The following POTEH variants were observed in gnomAD, a reference collection of about 807,000 sequenced individuals.
The protein encoded by POTEH is ANKRD26-like family C member 3.
Under a neutral mutation model 41.7 loss-of-function variants are expected in POTEH, and 6 were observed. The observed-to-expected ratio is 0.14, with a 90% CI of 0.08 to 0.28. The LOEUF (loss-of-function observed/expected upper bound fraction) is 0.28. Ranked by LOEUF, POTEH falls within the 10% of genes least tolerant of loss-of-function variation. POTEH has a pLI of 1.00. For synonymous variants in POTEH, 38 were observed against 179.9 expected (o/e 0.21, Z 6.31); for missense variants, 115 against 533.5 (o/e 0.22, Z 7.73).
rs548428857 is a variant in POTEH at position 15,717,309 on chromosome 22, A to T, written c.1521-2351A>T. Among the ~76,000 whole-genome samples the T allele has an allele frequency of 2.1e-5, 2 of 93,260 alleles. 1 individual carries two copies. The highest frequency in any genetic ancestry group is 4.8e-5 in the Non-Finnish European group (2 of 42,012). 61.2% of individuals were successfully genotyped at this position (93,260 alleles called of 152,430 possible). ...ACGATTTCTTTTGTTTTGTGTAGCT[A>T]TCCAGAAATGAGAATGCTGGATAAA... On this transcript the variant is annotated intron_variant, in intron 9 of 10. Transcript: ENST00000343518.
intron 6 of POTEH, among the ~76,000 whole-genome samples, chr22:15,705,353 C>CTTTT (rs377062560): frequency 0.032 from 443 of 13,990 alleles, no homozygotes; most frequent in Middle Eastern, 0.083. Context: ...ATATGTTGGC[C>CTTTT]TTTTTTTTTT....
intron 6 of POTEH, among the ~76,000 whole-genome samples, chr22:15,703,712 A>G (rs1989609839): frequency 6.7e-6 from 1 of 149,830 alleles, no homozygotes; most frequent in Non-Finnish European, 1.5e-5. Flanking sequence ...TCCAAACTGT[A>G]TGAGGACACC....
chr22:15,692,208 T>C (rs1480713965), intron 1 of POTEH, among the ~76,000 whole-genome samples: 2 of 139,508 alleles, frequency 1.4e-5, no homozygotes, highest in Non-Finnish European at 3.2e-5. Flanking sequence ...GGTTTCACCA[T>C]CTTGGCCAGG....
intron 1 of POTEH, among the ~76,000 whole-genome samples, chr22:15,692,800 G>A (rs1365647103): frequency 7.7e-6 from 1 of 129,612 alleles, no homozygotes; most frequent in African/African-American, 2.8e-5. Flanking sequence ...CACAAATGAG[G>A]ATGAATAACA....
chr22:15,691,350 C>T (rs1164576513), intron 1 of POTEH, among the ~76,000 whole-genome samples: 4 of 128,330 alleles, frequency 3.1e-5, no homozygotes, highest in Admixed American at 1.6e-4. Flanking sequence ...GGTGAAACCC[C>T]GTCTCTACTA....
intron 1 of POTEH, among the ~76,000 whole-genome samples, chr22:15,691,546 G>A (rs1300993629): frequency 9.8e-5 from 12 of 123,020 alleles, no homozygotes; most frequent in African/African-American, 1.7e-4. Flanking sequence ...AAAAAAAAAA[G>A]TGAGCTTTTT....
intron 1 of POTEH, among the ~76,000 whole-genome samples, chr22:15,693,522 GAATT>G (rs1157199121): frequency 1.3e-5 from 2 of 151,608 alleles, no homozygotes; most frequent in Non-Finnish European, 2.9e-5. Context: ...TAAAAAGTAT[GAATT>G]AATCATTTTA....
At chr22:15,692,587 C>G (rs1309833686) in intron 1 of POTEH, among the ~76,000 whole-genome samples, 3 of 110,138 alleles carry the variant, frequency 2.7e-5, no homozygotes, top group Non-Finnish European at 6.0e-5. Flanking sequence ...AATCCTATCT[C>G]TACTGAAAAT....
At chr22:15,692,726 G>C in intron 1 of POTEH, among the ~76,000 whole-genome samples, 1 of 124,522 alleles carries the variant, frequency 8.0e-6, no homozygotes, top group Admixed American at 8.3e-5. Context: ...CTACATTCCG[G>C]CATGGGTGAC....
At chr22:15,697,872 C>A (rs1400781537) in intron 3 of POTEH, among the ~76,000 whole-genome samples, 1 of 149,374 alleles carries the variant, frequency 6.7e-6, no homozygotes, top group South Asian at 2.1e-4. Flanking sequence ...CATTCAAGTG[C>A]TTAGGTCAGT....
intron 8 of POTEH, among the ~76,000 whole-genome samples, chr22:15,710,478 G>A (rs1989788505): frequency 6.6e-6 from 1 of 152,196 alleles, no homozygotes; most frequent in South Asian, 2.1e-4. Flanking sequence ...GTGGTAAAGA[G>A]GGATGAAGAC....
rs1202140792 is a variant in POTEH at position 15,717,116 on chromosome 22, A to T, written c.1521-2544A>T. ...TATATGTGTGAGTGTATATACACAC[A>T]TACGTATATGTGATATATATATATG... On this transcript the variant is annotated intron_variant, in intron 9 of 10. Coordinates refer to ENST00000343518, the MANE Select transcript of POTEH (RefSeq NM_001136213.1). 1.6e-4 allele frequency among the ~76,000 whole-genome samples: 14 copies of T among 89,442 alleles called. 3 individuals are homozygous for T. Among genetic ancestry groups the T allele is most frequent in the African/African-American group, 4.2e-4 (12 of 28,894 alleles). 58.7% of individuals were successfully genotyped at this position (89,442 alleles called of 152,430 possible). A position where few individuals can be genotyped will look rare whatever the true frequency, so the allele number is the denominator to read the frequency against.
intron 7 of POTEH, among the ~76,000 whole-genome samples, chr22:15,708,513 CAAAAAA>C (rs1165699401): frequency 0.012 from 87 of 7,240 alleles, no homozygotes; most frequent in Middle Eastern, 0.071. Context: ...GACTCTGTGT[CAAAAAA>C]AAAAAAAAAA....
Position 15,690,499 on chromosome 22 carries a change from A to G in POTEH, c.422A>G (p.His141Arg). The change falls in exon 1 of 11, where the codon CAC becomes CGC. Residue 141 changes from histidine to arginine, a missense_variant. By Grantham distance (29) the His-to-Arg change is conservative. Coordinates refer to ENST00000343518, the MANE Select transcript of POTEH (RefSeq NM_001136213.1). The stretch of plus-strand genomic sequence containing the variant: ...AGCAAGATGGGCAAGTGGTGCTGCC[A>G]CTGCTTCCCCTGCTGCAGGGGGAGC... ...LRSKMGKWCC[H>R]CFPCCRGSGK... 2 of 1,411,248 alleles carry G rather than the reference A, an allele frequency of 1.4e-6. 1 individual carries two copies. Among genetic ancestry groups the G allele is most frequent in the Non-Finnish European group, 2.0e-6 (2 of 1,018,892 alleles). 87.4% of individuals were successfully genotyped at this position (1,411,248 alleles called of 1,614,324 possible). A position where few individuals can be genotyped will look rare whatever the true frequency, so the allele number is the denominator to read the frequency against.
chr22:15,699,083 T>A (rs1316533030), intron 4 of POTEH, among the ~76,000 whole-genome samples: 1 of 150,314 alleles, frequency 6.7e-6, no homozygotes, highest in African/African-American at 2.4e-5. Flanking sequence ...AGTATTGAAC[T>A]TCTTAACCCT....
chr22:15,713,501 GAC>G (rs1344058002), intron 9 of POTEH, among the ~76,000 whole-genome samples: 21 of 150,802 alleles, frequency 1.4e-4, no homozygotes, highest in Non-Finnish European at 2.7e-4. Flanking sequence ...TCTTTCTCAT[GAC>G]ATTTTTTTTT....
chr22:15,711,278 G>A (rs1385562790), intron 9 of POTEH, among the ~76,000 whole-genome samples: 2 of 152,066 alleles, frequency 1.3e-5, no homozygotes, highest in Admixed American at 6.5e-5. Context: ...TTAGCTTCAG[G>A]GTACATGTGC....
intron 9 of POTEH, among the ~76,000 whole-genome samples, chr22:15,717,486 A>T (rs1397452153): frequency 2.0e-5 from 2 of 102,344 alleles, no homozygotes; most frequent in African/African-American, 6.3e-5. Context: ...AATAGTGGCC[A>T]TTCTGGCTGC....
chr22:15,717,524 A>T (rs1251941343), intron 9 of POTEH, among the ~76,000 whole-genome samples: 1 of 110,976 alleles, frequency 9.0e-6, no homozygotes, highest in African/African-American at 3.0e-5. Flanking sequence ...CTGTCATTTT[A>T]TTGTGCATTT....
Sources: gnomAD v4.1 joint callset for allele counts (sites outside exome capture counted in the v4.1 genomes callset) on GRCh38, gnomAD v4.1.1 for gene constraint, MANE v1.5 for transcripts, NCBI Gene and HGNC (gene_info 2026-07-23, HGNC 2026-07-21) for gene names.